Variants in C1QL2 observed in about 807,000 individuals in gnomAD.
C1QL2 encodes the protein complement C1q-like protein 2.
Under a neutral mutation model 16.6 loss-of-function variants are expected in C1QL2, and 13 were observed. That is an observed-to-expected ratio of 0.78 (90% CI 0.51 to 1.25). The LOEUF is 1.25. Among genes scored for constraint, C1QL2 ranks in the 50% most tolerant of loss-of-function variants. The pLI, the probability that C1QL2 is intolerant of heterozygous loss-of-function variation, is 0.00. For synonymous variants in C1QL2, 210 were observed against 183.2 expected (o/e 1.15, Z -1.18); for missense variants, 396 against 409.6 (o/e 0.97, Z 0.29).
At chr2:119,157,052 C>A (rs1677973284) in intron 1 of C1QL2, 71 bp from the exon 2 acceptor site, 2 of 1,553,452 alleles carry the variant, frequency 1.3e-6, no homozygotes, top group Non-Finnish European at 1.7e-6. Context: ...CCACACCAGG[C>A]GCGCCACTCA....
intron 1 of C1QL2, 144 bp downstream of exon 1, chr2:119,157,442 G>A (rs966921266): frequency 2.9e-6 from 3 of 1,028,012 alleles, no homozygotes; most frequent in Non-Finnish European, 4.2e-6. Flanking sequence ...GCATCGGGAA[G>A]CGGAGATACT....
intron 1 of C1QL2, among the ~76,000 whole-genome samples, chr2:119,157,276 G>A (rs979736920): frequency 4.6e-5 from 7 of 152,232 alleles, no homozygotes; most frequent in Non-Finnish European, 7.3e-5. Flanking sequence ...GGGCAAGGGG[G>A]CGACCTGGAG....
Position 119,157,827 on chromosome 2 carries a change from C to A in C1QL2, c.443G>T (p.Ser148Ile). 1 of 1,593,176 alleles carries A rather than the reference C, an allele frequency of 6.3e-7. No homozygotes were observed. Among genetic ancestry groups the A allele is most frequent in the Admixed American group, 1.7e-5 (1 of 57,606 alleles). ...VGGDSEGEVT[S>I]ALSATFSGPK... ...GCCGCTGAAGGTGGCGCTCAGCGCA[C>A]TGGTCACTTCACCCTCGGAATCGCC... Residue 148 changes from serine to isoleucine, a missense_variant, in exon 1 of 2, where the codon AGT becomes ATT. Physicochemically the swap from Ser to Ile is moderately radical, Grantham distance 142 (BLOSUM62 -2). Around this residue, in one of 2 missense-constraint regions of C1QL2, gnomAD observed 353 missense variants for 334.8 expected, o/e 1.05. Transcript: ENST00000272520.
chr2:119,158,530 T>C lies in C1QL2; in HGVS notation c.-261A>G, dbSNP rs1678005959. The C allele has an allele frequency of 3.9e-6, 1 of 253,258 alleles. No homozygotes were observed. The highest frequency in any genetic ancestry group is 7.5e-6 in the Non-Finnish European group (1 of 133,022). The allele number at this position is 253,258 out of a possible 1,614,324, so 15.7% of individuals were successfully genotyped here. A position where few individuals can be genotyped will look rare whatever the true frequency, so the allele number is the denominator to read the frequency against. Reference sequence around the variant, plus strand: ...CCTGGGCCCACCGCGCTGGGGCTGGTCGGGAGAGCCGCGGACGCCCGCGCG... The same window carrying C: ...CCTGGGCCCACCGCGCTGGGGCTGGCCGGGAGAGCCGCGGACGCCCGCGCG... On this transcript the variant is annotated 5_prime_UTR_variant, in exon 1 of 2. Transcript: ENST00000272520.
At position 119,157,711 on chromosome 2, in the gene C1QL2, G is replaced by A. The variant is rs372499362; in HGVS notation, c.559C>T (p.His187Tyr). ...FDDVVTNLGN[H>Y]YDPTTGKFSC... ...AACTTGCCCGTGGTGGGGTCATAGT[G>A]ATTGCCGAGGTTGGTGACCACGTCA... The change falls in exon 1 of 2, where the codon CAC becomes TAC. Residue 187 changes from histidine (H) to tyrosine (Y), a missense_variant. This residue lies in a region of C1QL2 where 353 missense variants were observed against 334.8 expected (regional missense o/e 1.05). Coordinates refer to ENST00000272520, the MANE Select transcript of C1QL2 (RefSeq NM_182528.4). The A allele has an allele frequency of 6.2e-7, 1 of 1,614,154 alleles. No homozygotes were observed. Among genetic ancestry groups the A allele is most frequent in the Admixed American group, 1.7e-5 (1 of 60,028 alleles).
In C1QL2 at chr2:119,158,564, G is replaced by A. The variant is rs531382040; in HGVS notation, c.-295C>T. On this transcript the variant is annotated 5_prime_UTR_variant, in exon 1 of 2. Coordinates refer to ENST00000272520, the MANE Select transcript of C1QL2 (RefSeq NM_182528.4). ...CCGCGGACGCCCGCGCGCATGACGT[G>A]GGGCACACAAGACGAATCCGGCGCC... 1.5e-3 allele frequency: 311 copies of A among 210,564 alleles called. No homozygotes were observed. Among genetic ancestry groups the A allele is most frequent in the Non-Finnish European group, 2.3e-3 (244 of 105,356 alleles). 13.0% of individuals were successfully genotyped at this position (210,564 alleles called of 1,614,324 possible).
At chr2:119,157,524 C>T in intron 1 of C1QL2, 62 bp downstream of exon 1, 8 of 1,566,126 alleles carry the variant, frequency 5.1e-6, no homozygotes, top group South Asian at 2.3e-5. Context: ...AGGCTGGTTC[C>T]CTGGGAGGTT....
Position 119,156,567 on chromosome 2 carries a change from C to G in C1QL2, c.*235G>C, listed in dbSNP as rs1259154886. 3 of 510,396 alleles carry G rather than the reference C, an allele frequency of 5.9e-6. No individual in the cohort carries two copies. The highest frequency in any genetic ancestry group is 1.0e-5 in the Non-Finnish European group (3 of 294,730). 31.6% of individuals were successfully genotyped at this position (510,396 alleles called of 1,614,324 possible). A position where few individuals can be genotyped will look rare whatever the true frequency, so the allele number is the denominator to read the frequency against. ...AGTCTGTGCCGCCGCCTCAAGGGCT[C>G]GGGCGTCCCTTCCTCCCTTGCCGGG... On this transcript the variant is annotated 3_prime_UTR_variant, in exon 2 of 2. Coordinates refer to ENST00000272520, the MANE Select transcript of C1QL2 (RefSeq NM_182528.4).
At chr2:119,157,563 C>G in intron 1 of C1QL2, 23 bp downstream of exon 1, 2 of 1,610,612 alleles carry the variant, frequency 1.2e-6, no homozygotes, top group Non-Finnish European at 1.7e-6. Context: ...TTACGGGGGC[C>G]GGTGAGTGTA....
At position 119,158,189 on chromosome 2, in the gene C1QL2, G is replaced by A. The variant is rs1186035746; in HGVS notation, c.81C>T (p.Gly27=). Residue 27 remains glycine, a synonymous_variant, in exon 1 of 2, where the codon GGC becomes GGT. Coordinates refer to ENST00000272520, the MANE Select transcript of C1QL2 (RefSeq NM_182528.4). ...PRGAAHYEMM[G]TCRMICDPYT... is the part of the protein sequence containing the mutation. The stretch of plus-strand genomic sequence containing the variant: ...AAGGGTCGCAGATCATGCGGCAGGT[G>A]CCCATCATCTCATAGTGCGCGGCGC... The A allele has an allele frequency of 1.3e-6, 2 of 1,579,310 alleles. No individual in the cohort carries two copies. Among genetic ancestry groups the A allele is most frequent in the African/African-American group, 1.4e-5 (1 of 71,026 alleles).
Position 119,156,650 on chromosome 2 carries a change from G to A in C1QL2, c.*152C>T. 1.1e-6 allele frequency: 1 copy of A among 913,270 alleles called. No homozygotes were observed. Among genetic ancestry groups the A allele is most frequent in the East Asian group, 2.7e-5 (1 of 37,248 alleles). The allele number at this position is 913,270 out of a possible 1,614,324, so 56.6% of individuals were successfully genotyped here. Reference sequence around the variant, plus strand: ...CGTGGTGGGTCGCAGACGCACTGAGGCCAGGAGCGGGGCAGGGAGGACGCA... The same window carrying A: ...CGTGGTGGGTCGCAGACGCACTGAGACCAGGAGCGGGGCAGGGAGGACGCA... On this transcript the variant is annotated 3_prime_UTR_variant, in exon 2 of 2. Transcript: ENST00000272520.
chr2:119,157,563 C>T (rs751268791), intron 1 of C1QL2, 23 bp downstream of exon 1: 1 of 1,610,612 alleles, frequency 6.2e-7, no homozygotes, highest in Non-Finnish European at 8.5e-7. Context: ...TTACGGGGGC[C>T]GGTGAGTGTA....
At position 119,157,811 on chromosome 2, in the gene C1QL2, G is replaced by A. The variant is rs748694650; in HGVS notation, c.459C>T (p.Thr153=). 37 of 1,598,692 alleles carry A rather than the reference G, an allele frequency of 2.3e-5. No individual in the cohort carries two copies. Among genetic ancestry groups the A allele is most frequent in the Non-Finnish European group, 6.0e-6 (7 of 1,172,490 alleles). Reference sequence around the variant, plus strand: ...AGAAGGCGATCTTGGGGCCGCTGAAGGTGGCGCTCAGCGCACTGGTCACTT... The same window carrying A: ...AGAAGGCGATCTTGGGGCCGCTGAAAGTGGCGCTCAGCGCACTGGTCACTT... ...EGEVTSALSA[T]FSGPKIAFYV... is the part of the protein sequence containing the mutation. The change falls in exon 1 of 2, where the codon ACC becomes ACT. Residue 153 remains threonine (T), a synonymous_variant. Transcript: ENST00000272520.
chr2:119,158,518 C>T lies in C1QL2; in HGVS notation c.-249G>A, dbSNP rs935236754. On this transcript the variant is annotated 5_prime_UTR_variant, in exon 1 of 2. Transcript: ENST00000272520. Reference sequence around the variant, plus strand: ...GGGACCTCTGAGCCTGGGCCCACCGCGCTGGGGCTGGTCGGGAGAGCCGCG... The same window carrying T: ...GGGACCTCTGAGCCTGGGCCCACCGTGCTGGGGCTGGTCGGGAGAGCCGCG... 1.9e-5 allele frequency: 5 copies of T among 268,522 alleles called. No individual in the cohort carries two copies. The highest frequency in any genetic ancestry group is 6.7e-5 in the African/African-American group (3 of 44,792). The allele number at this position is 268,522 out of a possible 1,614,324, so 16.6% of individuals were successfully genotyped here.
intron 1 of C1QL2, 80 bp from the exon 2 acceptor site, chr2:119,157,061 C>T: frequency 1.3e-6 from 2 of 1,508,890 alleles, no homozygotes; most frequent in South Asian, 2.4e-5. Flanking sequence ...GCGCGCCACT[C>T]ACGGGCCTCC....
rs1274188518 is a variant in C1QL2, at chr2:119,158,175, A to G, written c.95T>C (p.Ile32Thr). 4 of 1,577,838 alleles carry G rather than the reference A, an allele frequency of 2.5e-6. No homozygotes were observed. The highest frequency in any genetic ancestry group is 2.8e-5 in the African/African-American group (2 of 71,108). ...HYEMMGTCRM[I>T]CDPYTAAPGG... Reference sequence around the variant, plus strand: ...GGGCGCGGCAGTGTAAGGGTCGCAGATCATGCGGCAGGTGCCCATCATCTC... The same window carrying G: ...GGGCGCGGCAGTGTAAGGGTCGCAGGTCATGCGGCAGGTGCCCATCATCTC... The change falls in exon 1 of 2, where the codon ATC becomes ACC. Residue 32 changes from isoleucine to threonine, a missense_variant. Ile to Thr is a moderately conservative substitution (Grantham distance 89). Transcript: ENST00000272520.
At position 119,156,387 on chromosome 2, in the gene C1QL2, C is replaced by A; in HGVS notation, c.*415G>T. The A allele has an allele frequency of 6.2e-6, 1 of 161,234 alleles. No individual in the cohort carries two copies. Among genetic ancestry groups the A allele is most frequent in the Non-Finnish European group, 1.4e-5 (1 of 73,982 alleles). The allele number at this position is 161,234 out of a possible 1,614,324, so 10.0% of individuals were successfully genotyped here. On this transcript the variant is annotated 3_prime_UTR_variant, in exon 2 of 2. Transcript: ENST00000272520. ...GACAGGGAAATCTGCACAAGTATTT[C>A]GGGTCACAAAGAAGGACGCCCCAGG...
At chr2:119,157,519 G>T (rs1677981432) in intron 1 of C1QL2, 67 bp downstream of exon 1, 2 of 1,550,798 alleles carry the variant, frequency 1.3e-6, no homozygotes, top group South Asian at 2.3e-5. Context: ...AAAGGAGGCT[G>T]GTTCCCTGGG....
At position 119,158,404 on chromosome 2, in the gene C1QL2, G is replaced by T. The variant is rs2104731774; in HGVS notation, c.-135C>A. On this transcript the variant is annotated 5_prime_UTR_variant, in exon 1 of 2. Coordinates refer to ENST00000272520, the MANE Select transcript of C1QL2 (RefSeq NM_182528.4). Reference sequence around the variant, plus strand: ...CGGCGCGGGCGGCCCCGCTCCCCGCGCTCGGGGACCGGCTCCGCGGGTCCT... The same window carrying T: ...CGGCGCGGGCGGCCCCGCTCCCCGCTCTCGGGGACCGGCTCCGCGGGTCCT... The T allele has an allele frequency of 1.4e-6, 1 of 700,970 alleles. No individual in the cohort carries two copies. The highest frequency in any genetic ancestry group is 1.9e-6 in the Non-Finnish European group (1 of 513,384). The allele number at this position is 700,970 out of a possible 1,614,324, so 43.4% of individuals were successfully genotyped here. A position where few individuals can be genotyped will look rare whatever the true frequency, so the allele number is the denominator to read the frequency against.
Sources: gnomAD v4.1 joint callset for allele counts (sites outside exome capture counted in the v4.1 genomes callset) on GRCh38, gnomAD v4.1.1 for gene constraint, gnomAD v4.1.1 regional missense constraint, MANE v1.5 for transcripts, NCBI Gene and HGNC (gene_info 2026-07-23, HGNC 2026-07-21) for gene names.